The following GTF2A1 variants were observed in gnomAD, a reference collection of about 807,000 sequenced individuals.
GTF2A1 encodes the protein transcription initiation factor IIA subunit 1.
Under a neutral mutation model 54.1 loss-of-function variants are expected in GTF2A1, and 12 were observed. That is an observed-to-expected ratio of 0.22 (90% CI 0.14 to 0.36). The LOEUF (loss-of-function observed/expected upper bound fraction) is 0.36, where lower values mean the gene tolerates loss of function less well. Ranked by LOEUF, GTF2A1 falls within the 10% of genes least tolerant of loss-of-function variation. The pLI, the probability that GTF2A1 is intolerant of heterozygous loss-of-function variation, is 1.00. For missense variants in GTF2A1, 335 were observed against 442.2 expected, an observed-to-expected ratio of 0.76 and a Z score of 2.17; for synonymous variants, 145 against 152.0, an observed-to-expected ratio of 0.95 and a Z score of 0.34.
chr14:81,217,802 C>T (rs1023793229), intron 1 of GTF2A1, among the ~76,000 whole-genome samples: 1 of 152,114 alleles, frequency 6.6e-6, no homozygotes, highest in Non-Finnish European at 1.5e-5. Flanking sequence ...AGAAAACAAA[C>T]AAATACAAAT....
chr14:81,187,718 C>T (rs921572016), intron 7 of GTF2A1, among the ~76,000 whole-genome samples: 2 of 152,182 alleles, frequency 1.3e-5, no homozygotes, highest in Non-Finnish European at 2.9e-5. Context: ...AATAATATTC[C>T]ACTGTTATCA....
intron 2 of GTF2A1, among the ~76,000 whole-genome samples, chr14:81,213,669 ATTG>A (rs1893423203): frequency 6.6e-6 from 1 of 152,182 alleles, no homozygotes; most frequent in African/African-American, 2.4e-5. Context: ...AACAATTTAT[ATTG>A]TTCTTCTTCC....
intron 2 of GTF2A1, among the ~76,000 whole-genome samples, chr14:81,208,483 G>A (rs538500163): frequency 6.6e-6 from 1 of 152,364 alleles, no homozygotes; most frequent in South Asian, 2.1e-4. Flanking sequence ...GGGCAGTGCA[G>A]AAGAGAAATG....
intron 8 of GTF2A1, among the ~76,000 whole-genome samples, chr14:81,182,728 C>T (rs1009341047): frequency 6.6e-6 from 1 of 152,138 alleles, no homozygotes; most frequent in African/African-American, 2.4e-5. Flanking sequence ...CTCACTGAAA[C>T]CTTCCAATAA....
At chr14:81,193,447 CA>C (rs1276632844) in intron 6 of GTF2A1, among the ~76,000 whole-genome samples, 1 of 152,114 alleles carries the variant, frequency 6.6e-6, no homozygotes, top group Non-Finnish European at 1.5e-5. Context: ...GCGTGAGCCA[CA>C]ACGCCTGGCC....
At chr14:81,187,926 AT>A (rs1317639931) in intron 7 of GTF2A1, among the ~76,000 whole-genome samples, 4 of 152,078 alleles carry the variant, frequency 2.6e-5, no homozygotes, top group African/African-American at 9.7e-5. Flanking sequence ...CAGCTGTACC[AT>A]TTTACATTTC....
rs1215893848 is a variant in GTF2A1 at position 81,179,426 on chromosome 14, T to C, written c.*797A>G. 1 of 152,202 alleles carries C rather than the reference T, an allele frequency of 6.6e-6. No individual in the cohort carries two copies. Among genetic ancestry groups the C allele is most frequent in the Non-Finnish European group, 1.5e-5 (1 of 68,028 alleles). 9.4% of individuals were successfully genotyped at this position (152,202 alleles called of 1,614,324 possible). ...AAAACTATATTCCTGAGGAGCTAGT[T>C]TGGGGTTTCTTTTTAAGGTGTGGCA... On this transcript the variant is annotated 3_prime_UTR_variant, in exon 9 of 9. Coordinates refer to ENST00000553612, the MANE Select transcript of GTF2A1 (RefSeq NM_015859.4).
intron 4 of GTF2A1, among the ~76,000 whole-genome samples, chr14:81,200,885 C>CAAAA (rs36025974): frequency 1.3e-4 from 14 of 111,068 alleles, no homozygotes; most frequent in African/African-American, 3.3e-4. Flanking sequence ...ATGTTTTATC[C>CAAAA]AAAAAAAAAA....
At chr14:81,200,885 C>CAAA (rs36025974) in intron 4 of GTF2A1, among the ~76,000 whole-genome samples, 14 of 111,076 alleles carry the variant, frequency 1.3e-4, no homozygotes, top group Non-Finnish European at 1.4e-4. Flanking sequence ...ATGTTTTATC[C>CAAA]AAAAAAAAAA....
At chr14:81,180,438 A>G in intron 8 of GTF2A1, 108 bp from the exon 9 acceptor site, 1 of 618,698 alleles carries the variant, frequency 1.6e-6, no homozygotes, top group Non-Finnish European at 3.0e-6. Flanking sequence ...CCCCCCCACA[A>G]AACAGTATTT....
chr14:81,203,330 T>C (rs1296725893), intron 3 of GTF2A1, among the ~76,000 whole-genome samples: 2 of 152,242 alleles, frequency 1.3e-5, no homozygotes, highest in Admixed American at 6.5e-5. Context: ...AGATATGTTA[T>C]ATATCCACTC....
At chr14:81,204,825 A>G (rs1211370153) in intron 2 of GTF2A1, among the ~76,000 whole-genome samples, 2 of 152,254 alleles carry the variant, frequency 1.3e-5, no homozygotes, top group Non-Finnish European at 2.9e-5. Flanking sequence ...GAAAGAAAAG[A>G]AAAGAAAACA....
At chr14:81,184,491 C>T (rs2140147003) in intron 8 of GTF2A1, among the ~76,000 whole-genome samples, 1 of 152,292 alleles carries the variant, frequency 6.6e-6, no homozygotes. Context: ...AATGACCTTA[C>T]TGTCTTCATT....
intron 7 of GTF2A1, among the ~76,000 whole-genome samples, chr14:81,189,479 G>A (rs1221343322): frequency 1.3e-5 from 2 of 152,120 alleles, no homozygotes; most frequent in Non-Finnish European, 2.9e-5. Flanking sequence ...AGACCATCCT[G>A]GCTAACACAG....
intron 4 of GTF2A1, among the ~76,000 whole-genome samples, chr14:81,197,754 GTT>G (rs1011296769): frequency 6.0e-5 from 9 of 151,126 alleles, no homozygotes; most frequent in Non-Finnish European, 1.3e-4. Flanking sequence ...AGGTACTGCA[GTT>G]TTTTTTTCCT....
At chr14:81,209,627 C>T (rs1429377507) in intron 2 of GTF2A1, among the ~76,000 whole-genome samples, 1 of 152,174 alleles carries the variant, frequency 6.6e-6, no homozygotes, top group Non-Finnish European at 1.5e-5. Context: ...GACCAAGCTC[C>T]TTAGTATAGC....
rs979220509 is a variant in GTF2A1, at chr14:81,176,822, C to A, written c.*3401G>T. The A allele has an allele frequency of 6.6e-6, 1 of 151,568 alleles. No individual in the cohort carries two copies. The highest frequency in any genetic ancestry group is 1.5e-5 in the Non-Finnish European group (1 of 67,796). The allele number at this position is 151,568 out of a possible 1,614,324, so 9.4% of individuals were successfully genotyped here. A position where few individuals can be genotyped will look rare whatever the true frequency, so the allele number is the denominator to read the frequency against. ...TGGATCAACAAACTATTACATTGCA[C>A]AAAAGCTTAAAAAAAAGAAAGTTCA... On this transcript the variant is annotated 3_prime_UTR_variant, in exon 9 of 9. Coordinates refer to ENST00000553612, the MANE Select transcript of GTF2A1 (RefSeq NM_015859.4).
intron 6 of GTF2A1, among the ~76,000 whole-genome samples, 197 bp from the exon 7 acceptor site, chr14:81,193,036 T>C (rs1359453352): frequency 2.6e-5 from 4 of 152,116 alleles, no homozygotes; most frequent in African/African-American, 9.7e-5. Context: ...TTCTAGAAAA[T>C]AAGGATTTTC....
intron 4 of GTF2A1, 128 bp from the exon 5 acceptor site, chr14:81,197,612 T>TA (rs1893019100): frequency 1.8e-6 from 1 of 547,800 alleles, no homozygotes; most frequent in South Asian, 2.7e-5. Flanking sequence ...CTAGTAAGGC[T>TA]AAATCCCATT....
Sources: gnomAD v4.1 joint callset for allele counts (sites outside exome capture counted in the v4.1 genomes callset) on GRCh38, gnomAD v4.1.1 for gene constraint, MANE v1.5 for transcripts, NCBI Gene and HGNC (gene_info 2026-07-23, HGNC 2026-07-21) for gene names.